The following IWS1 variants were observed in gnomAD, a reference collection of about 807,000 sequenced individuals.
IWS1 encodes protein IWS1 homolog.
A neutral mutation model predicts 86.7 loss-of-function variants in IWS1; 27 were observed. That is an observed-to-expected ratio of 0.31 (90% CI 0.23 to 0.43). The LOEUF is 0.43. Ranked by LOEUF, IWS1 falls within the 20% of genes least tolerant of loss-of-function variation. The probability of loss-of-function intolerance (pLI) is 1.00; values close to 1 mark genes in which losing one functional copy is unlikely to be tolerated. For missense variants in IWS1, 827 were observed against 1,000.8 expected (o/e 0.83, Z 2.34); for synonymous variants, 313 against 335.1 (o/e 0.93, Z 0.72).
intron 2 of IWS1, among the ~76,000 whole-genome samples, chr2:127,522,408 G>T (rs1692148943): frequency 6.6e-6 from 1 of 152,060 alleles, no homozygotes; most frequent in Non-Finnish European, 1.5e-5. Context: ...TCTTCTAGCA[G>T]ACTACACAAT....
chr2:127,512,873 TAATA>T (rs1416094757), intron 2 of IWS1, among the ~76,000 whole-genome samples: 1 of 152,266 alleles, frequency 6.6e-6, no homozygotes, highest in East Asian at 1.9e-4. Flanking sequence ...AAGACATGAA[TAATA>T]AATTATCACA....
At chr2:127,523,894 CACT>C in intron 1 of IWS1, 103 bp from the exon 2 acceptor site, 1 of 726,462 alleles carries the variant, frequency 1.4e-6, no homozygotes, top group African/African-American at 1.7e-5. Flanking sequence ...CAAAAGTTAC[CACT>C]GAGGAAGCAT....
chr2:127,502,933 T>C, intron 4 of IWS1, 61 bp from the exon 5 acceptor site: 2 of 952,798 alleles, frequency 2.1e-6, no homozygotes, highest in Non-Finnish European at 3.3e-6. Context: ...ATAGGAACCA[T>C]TTTTTAAAAA....
chr2:127,495,017 C>A (rs1250629002), intron 7 of IWS1, 63 bp from the exon 8 acceptor site: 1 of 963,652 alleles, frequency 1.0e-6, no homozygotes, highest in Non-Finnish European at 1.6e-6. Flanking sequence ...ATTGAATTCA[C>A]TGTAATTCTG....
At chr2:127,522,755 G>A (rs1283594732) in intron 2 of IWS1, among the ~76,000 whole-genome samples, 2 of 152,070 alleles carry the variant, frequency 1.3e-5, no homozygotes, top group African/African-American at 2.4e-5. Flanking sequence ...GACTTACGGC[G>A]AACTTATTGA....
rs1261654200 is a variant in IWS1 at position 127,480,842 on chromosome 2, T to G, written c.*202A>C. ...GAATGAAATTTTATTGTGTAAAGTTTATAGAAGTATGACTAGTATTCCTTT... is the reference window on the plus strand; with the variant it reads ...GAATGAAATTTTATTGTGTAAAGTTGATAGAAGTATGACTAGTATTCCTTT... On this transcript the variant is annotated 3_prime_UTR_variant, in exon 14 of 14. Transcript: ENST00000295321. 2.1e-6 allele frequency: 1 copy of G among 468,742 alleles called. No homozygotes were observed. The highest frequency in any genetic ancestry group is 3.6e-6 in the Non-Finnish European group (1 of 277,070). The allele number at this position is 468,742 out of a possible 1,614,324, so 29.0% of individuals were successfully genotyped here. A position where few individuals can be genotyped will look rare whatever the true frequency, so the allele number is the denominator to read the frequency against.
chr2:127,524,004 A>G lies in IWS1; in HGVS notation c.35-213T>C, dbSNP rs117228353. Reference sequence around the variant, plus strand: ...CTGTGAAATACGTGGCAGCAAAACTACACCATAAAAACAATTTGTAGCTTA... The same window carrying G: ...CTGTGAAATACGTGGCAGCAAAACTGCACCATAAAAACAATTTGTAGCTTA... On this transcript the variant is annotated intron_variant, in intron 1 of 13. Coordinates refer to ENST00000295321, the MANE Select transcript of IWS1 (RefSeq NM_017969.3). Among the ~76,000 whole-genome samples the G allele has an allele frequency of 3.9e-4, 59 of 152,362 alleles. No homozygotes were observed. In the East Asian group the frequency reaches 0.011, roughly 29 times the overall value.
chr2:127,527,193 G>A (rs1188674791), upstream of IWS1, among the ~76,000 whole-genome samples: 1 of 152,154 alleles, frequency 6.6e-6, no homozygotes, highest in Non-Finnish European at 1.5e-5. Flanking sequence ...ATGTGACTCA[G>A]ATAAAACGCG....
Position 127,505,799 on chromosome 2 carries a change from AACCATTAATAAT to A in IWS1, c.151-59_151-48del. Reference sequence around the variant, plus strand: ...AATTAGGAAAGTGCAAAAAAAAAAAAACCATTAATAATAAAACATTAAATTTTTTCTGTGATT... The same window carrying A: ...AATTAGGAAAGTGCAAAAAAAAAAAAAAAACATTAAATTTTTTCTGTGATT... On this transcript the variant is annotated intron_variant, in intron 2 of 13. Transcript: ENST00000295321. This position sits in a 1 kb window ranked among gnomAD's most constrained non-coding sequence, Gnocchi z 5.0. The A allele has an allele frequency of 8.2e-7, 1 of 1,215,824 alleles. No homozygotes were observed. Among genetic ancestry groups the A allele is most frequent in the Non-Finnish European group, 1.1e-6 (1 of 878,352 alleles). The allele number at this position is 1,215,824 out of a possible 1,614,324, so 75.3% of individuals were successfully genotyped here.
At chr2:127,515,972 C>T (rs1691746216) in intron 2 of IWS1, among the ~76,000 whole-genome samples, 2 of 152,166 alleles carry the variant, frequency 1.3e-5, no homozygotes, top group African/African-American at 4.8e-5. Context: ...CCATCTTTTG[C>T]CCAACCCTCA....
intron 2 of IWS1, among the ~76,000 whole-genome samples, chr2:127,517,799 A>G (rs1197987604): frequency 6.6e-6 from 1 of 152,240 alleles, no homozygotes; most frequent in Non-Finnish European, 1.5e-5. Context: ...TATTCATAAT[A>G]CCAAAAGAAA....
At chr2:127,516,363 A>C (rs1691774926) in intron 2 of IWS1, among the ~76,000 whole-genome samples, 1 of 152,190 alleles carries the variant, frequency 6.6e-6, no homozygotes, top group South Asian at 2.1e-4. Flanking sequence ...ATACACACAC[A>C]CAAAATAGAA....
At chr2:127,515,848 A>C (rs1691736513) in intron 2 of IWS1, among the ~76,000 whole-genome samples, 1 of 152,140 alleles carries the variant, frequency 6.6e-6, no homozygotes, top group African/African-American at 2.4e-5. Flanking sequence ...ATCCTGCTTC[A>C]GTTAGAGGGC....
At chr2:127,515,513 A>G (rs761932975) in intron 2 of IWS1, among the ~76,000 whole-genome samples, 2 of 152,232 alleles carry the variant, frequency 1.3e-5, no homozygotes, top group African/African-American at 2.4e-5. Flanking sequence ...AGACAAGAGA[A>G]GCATAATAGG....
Position 127,493,393 on chromosome 2 carries a change from GT to G in IWS1, c.1816del (p.Thr606HisfsTer7). 6.2e-7 allele frequency: 1 copy of G among 1,608,950 alleles called. No individual in the cohort carries two copies. Among genetic ancestry groups the G allele is most frequent in the Non-Finnish European group, 8.5e-7 (1 of 1,178,248 alleles). ...AGACATCACACCACTGTCAATGAAT[GT>G]TTCTTTAAGGTCCTGCCTGCAGTAA... ...MHLKKQDLKE[T>X]FIDSGVMSAI... On this transcript the variant is annotated frameshift_variant, in exon 9 of 14. Coordinates refer to ENST00000295321, the MANE Select transcript of IWS1 (RefSeq NM_017969.3). LOFTEE classifies it high-confidence loss of function.
At position 127,489,681 on chromosome 2, in the gene IWS1, A is replaced by G. The variant is rs1018198407; in HGVS notation, c.2159+151T>C. 1.9e-5 allele frequency: 12 copies of G among 643,060 alleles called. No individual in the cohort carries two copies. The highest frequency in any genetic ancestry group is 3.4e-5 in the Non-Finnish European group (12 of 358,034). The allele number at this position is 643,060 out of a possible 1,614,324, so 39.8% of individuals were successfully genotyped here. Reference sequence around the variant, plus strand: ...ACCCTCACTATACACTATCACATTTAAACTAAAAGGATATTATGAATTATG... The same window carrying G: ...ACCCTCACTATACACTATCACATTTGAACTAAAAGGATATTATGAATTATG... On this transcript the variant is annotated intron_variant, in intron 11 of 13. Coordinates refer to ENST00000295321, the MANE Select transcript of IWS1 (RefSeq NM_017969.3). The surrounding 1 kb of genome is among the most constrained non-coding windows in gnomAD (Gnocchi z 4.8).
At chr2:127,488,178 T>C (rs1690035407) in intron 12 of IWS1, 1 of 152,546 alleles carries the variant, frequency 6.6e-6, no homozygotes, top group African/African-American at 2.4e-5. Context: ...CTGCTCTGCC[T>C]GGCTATGCCC....
At chr2:127,519,161 T>C (rs1404480304) in intron 2 of IWS1, among the ~76,000 whole-genome samples, 3 of 152,142 alleles carry the variant, frequency 2.0e-5, no homozygotes. Flanking sequence ...AACAGAGATG[T>C]TATTAGAAAT....
At position 127,505,835 on chromosome 2, in the gene IWS1, T is replaced by C. The variant is rs1341885935; in HGVS notation, c.151-83A>G. On this transcript the variant is annotated intron_variant, in intron 2 of 13. Coordinates refer to ENST00000295321, the MANE Select transcript of IWS1 (RefSeq NM_017969.3). The surrounding 1 kb of genome is among the most constrained non-coding windows in gnomAD (Gnocchi z 5.0). ...ATAAAACATTAAATTTTTTCTGTGATTTTTTTAAAATACAGGATTATGTGC... is the reference window on the plus strand; with the variant it reads ...ATAAAACATTAAATTTTTTCTGTGACTTTTTTAAAATACAGGATTATGTGC... 1.1e-6 allele frequency: 1 copy of C among 952,194 alleles called. No homozygotes were observed. Among genetic ancestry groups the C allele is most frequent in the Non-Finnish European group, 1.5e-6 (1 of 663,880 alleles). 59.0% of individuals were successfully genotyped at this position (952,194 alleles called of 1,614,324 possible).
Sources: gnomAD v4.1 joint callset for allele counts (sites outside exome capture counted in the v4.1 genomes callset) on GRCh38, gnomAD v4.1.1 for gene constraint, Gnocchi (gnomAD v3.1) non-coding constraint, MANE v1.5 for transcripts, NCBI Gene and HGNC (gene_info 2026-07-23, HGNC 2026-07-21) for gene names.